The following PPARG variants were observed in gnomAD, a reference collection of about 807,000 sequenced individuals.
The protein encoded by PPARG is peroxisome proliferator-activated receptor gamma.
In PPARG, 17 loss-of-function variants were observed where a neutral mutation model predicts 39.2. The observed-to-expected ratio is 0.43, with a 90% CI of 0.30 to 0.65. PPARG has a LOEUF of 0.65. Ranked by LOEUF, PPARG falls within the 30% of genes least tolerant of loss-of-function variation. The pLI is 0.13. For missense variants in PPARG, 406 were observed against 585.9 expected (o/e 0.69, Z 3.17); for synonymous variants, 223 against 215.7 (o/e 1.03, Z -0.30).
chr3:12,361,194 G>T (rs184519372), intron 2 of PPARG, among the ~76,000 whole-genome samples: 8 of 152,062 alleles, frequency 5.3e-5, no homozygotes, highest in Non-Finnish European at 1.5e-5. Context: ...TGTCCATTTG[G>T]CTATCCTTTC....
At chr3:12,423,490 C>G (rs2051331152) in intron 7 of PPARG, among the ~76,000 whole-genome samples, 1 of 152,198 alleles carries the variant, frequency 6.6e-6, no homozygotes, top group Non-Finnish European at 1.5e-5. Flanking sequence ...GGGTCGTCTT[C>G]TCTCTGGAAC....
At chr3:12,366,275 T>A (rs1019149083) in intron 2 of PPARG, among the ~76,000 whole-genome samples, 1 of 152,138 alleles carries the variant, frequency 6.6e-6, no homozygotes, top group Non-Finnish European at 1.5e-5. Context: ...TTATGACTTT[T>A]GTATATTAAC....
At chr3:12,404,692 C>G (rs1259112708) in intron 5 of PPARG, among the ~76,000 whole-genome samples, 1 of 152,148 alleles carries the variant, frequency 6.6e-6, no homozygotes, top group Non-Finnish European at 1.5e-5. Context: ...GTAATCCCAG[C>G]TACTCAGAGG....
intron 7 of PPARG, among the ~76,000 whole-genome samples, chr3:12,424,920 A>G (rs2051385313): frequency 6.6e-6 from 1 of 152,208 alleles, no homozygotes; most frequent in South Asian, 2.1e-4. Context: ...TGCCTGGGAC[A>G]TGTTCAGCAC....
chr3:12,298,911 C>G (rs1258069779), intron 1 of PPARG, among the ~76,000 whole-genome samples: 1 of 152,208 alleles, frequency 6.6e-6, no homozygotes, highest in African/African-American at 2.4e-5. Context: ...TCATGGCTCA[C>G]TGCAGCCTCA....
At chr3:12,410,143 A>C (rs980889992) in intron 6 of PPARG, among the ~76,000 whole-genome samples, 12 of 152,202 alleles carry the variant, frequency 7.9e-5, no homozygotes, top group African/African-American at 2.9e-4. Context: ...TAGACCTTTC[A>C]ACCGCCCTCA....
chr3:12,316,523 T>G (rs1255488405), intron 2 of PPARG, among the ~76,000 whole-genome samples: 2 of 152,126 alleles, frequency 1.3e-5, no homozygotes, highest in African/African-American at 4.8e-5. Context: ...TTACACAACA[T>G]TGTGAGTGTA....
upstream of PPARG, among the ~76,000 whole-genome samples, chr3:12,288,414 GGACA>G (rs2046563490): frequency 6.6e-6 from 1 of 152,068 alleles, no homozygotes; most frequent in East Asian, 2.0e-4. Flanking sequence ...CCGGCTTCCA[GGACA>G]GCCCCCCTCG....
At chr3:12,410,624 CA>C (rs1365825660) in intron 6 of PPARG, among the ~76,000 whole-genome samples, 1 of 152,068 alleles carries the variant, frequency 6.6e-6, no homozygotes, top group Non-Finnish European at 1.5e-5. Flanking sequence ...CATGTGGAGT[CA>C]CTGTATTTAT....
At chr3:12,384,678 G>A (rs999105646) in intron 4 of PPARG, among the ~76,000 whole-genome samples, 4 of 152,070 alleles carry the variant, frequency 2.6e-5, no homozygotes, top group African/African-American at 9.7e-5. Flanking sequence ...CCCTTTCAAG[G>A]CATCCATGAA....
At chr3:12,398,254 A>C (rs929132142) in intron 5 of PPARG, among the ~76,000 whole-genome samples, 1 of 152,222 alleles carries the variant, frequency 6.6e-6, no homozygotes, top group Non-Finnish European at 1.5e-5. Context: ...ATATTAGGAA[A>C]TAAGACATTG....
intron 5 of PPARG, among the ~76,000 whole-genome samples, chr3:12,405,534 G>T (rs1404571682): frequency 1.3e-5 from 2 of 152,222 alleles, no homozygotes; most frequent in African/African-American, 4.8e-5. Context: ...ATACAAAGAA[G>T]GTGACCTTTG....
intron 2 of PPARG, among the ~76,000 whole-genome samples, chr3:12,316,101 T>G (rs1458599737): frequency 6.6e-6 from 1 of 152,198 alleles, no homozygotes; most frequent in Non-Finnish European, 1.5e-5. Context: ...CAGCATTAAG[T>G]TGTCTAGAAA....
At chr3:12,298,815 G>A (rs1267873212) in intron 1 of PPARG, among the ~76,000 whole-genome samples, 3 of 151,898 alleles carry the variant, frequency 2.0e-5, no homozygotes, top group African/African-American at 4.8e-5. Context: ...AGACTGATGC[G>A]TTTTATTTTC....
intron 1 of PPARG, among the ~76,000 whole-genome samples, chr3:12,296,448 TTGG>T (rs2046788780): frequency 6.6e-6 from 1 of 152,060 alleles, no homozygotes; most frequent in Admixed American, 6.6e-5. Flanking sequence ...TTGGGAACTC[TTGG>T]TCCAAGATGA....
At chr3:12,401,531 A>G (rs1206174702) in intron 5 of PPARG, among the ~76,000 whole-genome samples, 3 of 152,254 alleles carry the variant, frequency 2.0e-5, no homozygotes, top group East Asian at 1.9e-4. Context: ...GATAGGTACA[A>G]TTATGTGGGA....
At chr3:12,370,152 G>A (rs1036891615) in intron 2 of PPARG, among the ~76,000 whole-genome samples, 3 of 152,014 alleles carry the variant, frequency 2.0e-5, no homozygotes, top group East Asian at 1.9e-4. Flanking sequence ...CTTGATGGAC[G>A]ATTTGGATGA....
At chr3:12,390,882 C>T (rs1181491291) in intron 4 of PPARG, among the ~76,000 whole-genome samples, 1 of 151,994 alleles carries the variant, frequency 6.6e-6, no homozygotes, top group African/African-American at 2.4e-5. Context: ...AACTCCTGGA[C>T]TCAAGCGATC....
At chr3:12,383,235 A>G (rs1355029983) in intron 4 of PPARG, among the ~76,000 whole-genome samples, 1 of 151,904 alleles carries the variant, frequency 6.6e-6, no homozygotes, top group Non-Finnish European at 1.5e-5. Context: ...TGTAATTTCA[A>G]AATGACACTT....
Sources: gnomAD v4.1 joint callset for allele counts (sites outside exome capture counted in the v4.1 genomes callset) on GRCh38, gnomAD v4.1.1 for gene constraint, MANE v1.5 for transcripts, NCBI Gene and HGNC (gene_info 2026-07-23, HGNC 2026-07-21) for gene names.